NLRP9: variants seen among roughly 807,000 people sequenced by gnomAD.
The protein encoded by NLRP9 is NACHT, LRR and PYD domains-containing protein 9.
Under a neutral mutation model 83.1 loss-of-function variants are expected in NLRP9, and 88 were observed. The ratio of observed to expected loss-of-function variants is 1.06; its 90% CI spans 0.89 to 1.26. NLRP9 has a LOEUF of 1.26. Among genes scored for constraint, NLRP9 ranks in the 50% most tolerant of loss-of-function variants. NLRP9 has a pLI of 0.00. For missense variants in NLRP9, 1,308 were observed against 1,179.3 expected, an observed-to-expected ratio of 1.11 and a Z score of -1.60; for synonymous variants, 521 against 447.6, an observed-to-expected ratio of 1.16 and a Z score of -2.07.
Position 55,733,390 on chromosome 19 carries a change from A to G in NLRP9, c.441T>C (p.Thr147=). 1 of 1,614,180 alleles carries G rather than the reference A, an allele frequency of 6.2e-7. No individual in the cohort carries two copies. Among genetic ancestry groups the G allele is most frequent in the Admixed American group, 1.7e-5 (1 of 60,028 alleles). The part of the protein sequence containing the change: ...DAYTAAARRH[T]VVLEGPDGIG... Reference sequence around the variant, plus strand: ...TTCCATCAGGACCTTCCAGGACCACAGTGTGTCGTCTAGCCGCAGCAGTAT... The same window carrying G: ...TTCCATCAGGACCTTCCAGGACCACGGTGTGTCGTCTAGCCGCAGCAGTAT... Residue 147 remains threonine (T), a synonymous_variant, in exon 2 of 9, where the codon ACT becomes ACC. Transcript: ENST00000332836.
rs149033660 is a variant in NLRP9 at position 55,716,749 on chromosome 19, T to C, written c.2309A>G (p.His770Arg). 21 of 1,613,768 alleles carry C rather than the reference T, an allele frequency of 1.3e-5. No homozygotes were observed. Among genetic ancestry groups the C allele is most frequent in the Non-Finnish European group, 1.7e-5 (20 of 1,179,914 alleles). ...TTACATCAGCCTCTCCAGGGCACAG[T>C]GTGAGTGCTTCAGGGCTTCACACAG... ...TLLCEALKHS[H>R]CALERLMLMY... is the part of the protein sequence containing the mutation. The change falls in exon 5 of 9, where the codon CAC becomes CGC. Residue 770 changes from histidine to arginine, a missense_variant. Transcript: ENST00000332836.
At chr19:55,724,918 G>T (rs776672835) in intron 3 of NLRP9, among the ~76,000 whole-genome samples, 1 of 152,024 alleles carries the variant, frequency 6.6e-6, no homozygotes, top group Non-Finnish European at 1.5e-5. Context: ...AATTAGCTGG[G>T]TATGGTGGTG....
chr19:55,711,787 A>G lies in NLRP9; in HGVS notation c.2843+13T>C, dbSNP rs970181276. 2 of 1,611,224 alleles carry G rather than the reference A, an allele frequency of 1.2e-6. No individual in the cohort carries two copies. Among genetic ancestry groups the G allele is most frequent in the African/African-American group, 1.3e-5 (1 of 74,828 alleles). On this transcript the variant is annotated intron_variant, in intron 8 of 8. Transcript: ENST00000332836. ...TGAAGTCACTCACCCCAAAGGAAAC[A>G]GTGTCCACTCACCCCAGCATCTGCA...
Position 55,738,380 on chromosome 19 carries a change from C to A in NLRP9, c.-6G>T, listed in dbSNP as rs2122349204. The A allele has an allele frequency of 6.2e-7, 1 of 1,610,770 alleles. No homozygotes were observed. Among genetic ancestry groups the A allele is most frequent in the Non-Finnish European group, 8.5e-7 (1 of 1,179,122 alleles). ...GAAAAAAAAGATTCTGCCATATCGCCCCAGGATTGTGAACTGAGGTGTCTC... is the reference window on the plus strand; with the variant it reads ...GAAAAAAAAGATTCTGCCATATCGCACCAGGATTGTGAACTGAGGTGTCTC... On this transcript the variant is annotated 5_prime_UTR_variant, in exon 1 of 9. Coordinates refer to ENST00000332836, the MANE Select transcript of NLRP9 (RefSeq NM_176820.4).
At chr19:55,720,627 G>C in intron 4 of NLRP9, among the ~76,000 whole-genome samples, 1 of 152,070 alleles carries the variant, frequency 6.6e-6, no homozygotes, top group East Asian at 1.9e-4. Context: ...ACCAAGCCTG[G>C]CAATGATTCC....
chr19:55,723,727 C>CAAAAAAAAAAAAA (rs10711721), intron 4 of NLRP9, among the ~76,000 whole-genome samples: 2 of 79,820 alleles, frequency 2.5e-5, no homozygotes, highest in East Asian at 7.5e-4. Flanking sequence ...GACCCTGTCT[C>CAAAAAAAAAAAAA]AAAAAAAAAA....
chr19:55,718,853 T>C (rs1988125947), intron 4 of NLRP9, among the ~76,000 whole-genome samples: 2 of 152,184 alleles, frequency 1.3e-5, no homozygotes, highest in Admixed American at 6.5e-5. Context: ...TGACTAGAAA[T>C]ACCCACAGGT....
chr19:55,715,680 G>A (rs189287565), intron 5 of NLRP9, among the ~76,000 whole-genome samples: 39 of 151,936 alleles, frequency 2.6e-4, no homozygotes, highest in African/African-American at 7.0e-4. Flanking sequence ...GCGAAACTCC[G>A]TCTCAAAAAA....
chr19:55,711,302 CAT>C (rs1031366112), intron 8 of NLRP9: 16 of 912,952 alleles, frequency 1.8e-5, no homozygotes, highest in Non-Finnish European at 2.1e-5. Context: ...GAAAAATTAA[CAT>C]AAAAAATTCA....
intron 1 of NLRP9, among the ~76,000 whole-genome samples, chr19:55,735,353 T>G (rs1016829647): frequency 8.1e-6 from 1 of 123,370 alleles, no homozygotes; most frequent in Admixed American, 8.0e-5. Flanking sequence ...TTGGGAGTGC[T>G]GAGGCAGGAG....
chr19:55,734,876 C>T (rs1988744427), intron 1 of NLRP9, among the ~76,000 whole-genome samples: 1 of 152,082 alleles, frequency 6.6e-6, no homozygotes, highest in Non-Finnish European at 1.5e-5. Flanking sequence ...CTCAGGTGAT[C>T]TGCCCTCCTC....
intron 4 of NLRP9, 79 bp downstream of exon 4, chr19:55,723,901 A>G: frequency 1.7e-6 from 2 of 1,145,708 alleles, no homozygotes; most frequent in Non-Finnish European, 2.5e-6. Context: ...ATGACCCTCC[A>G]GGAAGGAAAA....
chr19:55,710,519 T>C (rs1405393887), intron 8 of NLRP9, among the ~76,000 whole-genome samples: 1 of 152,182 alleles, frequency 6.6e-6, no homozygotes, highest in Non-Finnish European at 1.5e-5. Context: ...GGGAGGTGAC[T>C]GGATCATGGG....
At position 55,711,535 on chromosome 19, in the gene NLRP9, C is replaced by G. The variant is rs899326745; in HGVS notation, c.2843+265G>C. The stretch of plus-strand genomic sequence containing the variant: ...CTGGTGCAACTGTGTCTCCGAGGGA[C>G]TTCTGACAATTTCTGGAGCTCTTTT... On this transcript the variant is annotated intron_variant, in intron 8 of 8. Transcript: ENST00000332836. 5 of 1,233,066 alleles carry G rather than the reference C, an allele frequency of 4.1e-6. No individual in the cohort carries two copies. The African/African-American group carries it at 7.5e-5, about 18-fold the overall frequency. The allele number at this position is 1,233,066 out of a possible 1,614,324, so 76.4% of individuals were successfully genotyped here. A position where few individuals can be genotyped will look rare whatever the true frequency, so the allele number is the denominator to read the frequency against.
chr19:55,737,760 A>G (rs939231379), intron 1 of NLRP9, among the ~76,000 whole-genome samples: 11 of 134,188 alleles, frequency 8.2e-5, no homozygotes, highest in East Asian at 2.2e-4. Context: ...AAAAAAAAAA[A>G]GATAGGCAAC....
chr19:55,729,733 C>T (rs980348045), intron 3 of NLRP9, 98 bp downstream of exon 3: 22 of 930,168 alleles, frequency 2.4e-5, no homozygotes, highest in Admixed American at 4.7e-5. Flanking sequence ...ACTGGATTGC[C>T]GCTCTGCATT....
chr19:55,722,920 TCTCA>T (rs1988274403), intron 4 of NLRP9, among the ~76,000 whole-genome samples: 1 of 152,060 alleles, frequency 6.6e-6, no homozygotes, highest in Non-Finnish European at 1.5e-5. Context: ...CACTGCCTGT[TCTCA>T]CTCATAAGTG....
intron 4 of NLRP9, 107 bp downstream of exon 4, chr19:55,723,873 G>A (rs1988313571): frequency 1.2e-6 from 1 of 811,530 alleles, no homozygotes; most frequent in Admixed American, 2.4e-5. Flanking sequence ...AAAAACAAGA[G>A]AGATGAAGGC....
At position 55,733,266 on chromosome 19, in the gene NLRP9, CACAG is replaced by C; in HGVS notation, c.561_564del (p.Cys188LysfsTer2). 6.2e-7 allele frequency: 1 copy of C among 1,614,082 alleles called. No individual in the cohort carries two copies. Among genetic ancestry groups the C allele is most frequent in the Non-Finnish European group, 8.5e-7 (1 of 1,179,948 alleles). Reference sequence around the variant, plus strand: ...CTGGTCTCTGCGATACCGTTCATTTCACAGACATTGAGGAAAAACACAAATGTGA... The same window carrying C: ...CTGGTCTCTGCGATACCGTTCATTTCACATTGAGGAAAAACACAAATGTGA... On this transcript the variant is annotated frameshift_variant, in exon 2 of 9. Transcript: ENST00000332836. LOFTEE classifies it high-confidence loss of function.
Sources: allele counts gnomAD v4.1 joint callset (sites outside exome capture counted in the v4.1 genomes callset), GRCh38; gene constraint gnomAD v4.1.1; transcripts MANE v1.5; gene names NCBI Gene and HGNC (gene_info 2026-07-23, HGNC 2026-07-21).